The following GALNTL6 variants were observed in gnomAD, a reference collection of about 807,000 sequenced individuals.
GALNTL6 encodes polypeptide N-acetylgalactosaminyltransferase-like 6.
In GALNTL6, 46 loss-of-function variants were observed where a neutral mutation model predicts 73.7. The ratio of observed to expected loss-of-function variants is 0.62; its 90% confidence interval spans 0.49 to 0.80. The LOEUF is 0.80. Among genes scored for constraint, GALNTL6 ranks in the 30% least tolerant of loss-of-function variants. The pLI, the probability that GALNTL6 is intolerant of heterozygous loss-of-function variation, is 0.00. For synonymous variants in GALNTL6, 259 were observed against 263.7 expected (o/e 0.98, Z 0.17); for missense variants, 604 against 755.0 (o/e 0.80, Z 2.34).
intron 2 of GALNTL6, among the ~76,000 whole-genome samples, chr4:172,005,422 A>AAAAAG (rs1437583546): frequency 6.6e-6 from 1 of 152,124 alleles, no homozygotes; most frequent in East Asian, 1.9e-4. Flanking sequence ...CCACTGCCCC[A>AAAAAG]GGACTTAAAA....
At position 172,170,789 on chromosome 4, in the gene GALNTL6, C is replaced by T. The variant is rs558836692; in HGVS notation, c.139-58867C>T. ...TTGGTCTTCCAAATTGCTGGGATTA[C>T]AGGCATGAGACACCACGCCCTGCTG... On this transcript the variant is annotated intron_variant, in intron 2 of 12. Transcript: ENST00000506823. Among the ~76,000 whole-genome samples the T allele has an allele frequency of 1.5e-4, 23 of 152,234 alleles. No homozygotes were observed. In the South Asian group the frequency reaches 4.8e-3, roughly 32 times the overall value.
intron 5 of GALNTL6, among the ~76,000 whole-genome samples, chr4:172,544,007 A>G (rs778671856): frequency 6.6e-6 from 1 of 152,212 alleles, no homozygotes; most frequent in Non-Finnish European, 1.5e-5. Context: ...ATGCAAAAAT[A>G]GAGAAGTAAA....
At chr4:172,319,785 G>T (rs1296675410) in intron 4 of GALNTL6, among the ~76,000 whole-genome samples, 1 of 152,172 alleles carries the variant, frequency 6.6e-6, no homozygotes, top group Non-Finnish European at 1.5e-5. Context: ...GATCCCTGGT[G>T]AAGTTGGTGA....
At chr4:172,445,236 C>T (rs336014) in intron 5 of GALNTL6, among the ~76,000 whole-genome samples, 1 of 152,054 alleles carries the variant, frequency 6.6e-6, no homozygotes, top group East Asian at 1.9e-4. Context: ...TTTATGATAA[C>T]GCTATGTCAT....
intron 11 of GALNTL6, among the ~76,000 whole-genome samples, chr4:173,010,589 T>TTTTG (rs1752504001): frequency 6.6e-6 from 1 of 151,908 alleles, no homozygotes; most frequent in African/African-American, 2.4e-5. Flanking sequence ...TTTGTTGTTT[T>TTTTG]TTTTGTTTTG....
chr4:171,991,748 A>G (rs1007791943), intron 2 of GALNTL6, among the ~76,000 whole-genome samples: 3 of 146,880 alleles, frequency 2.0e-5, no homozygotes, highest in South Asian at 4.2e-4. Flanking sequence ...ATATATATAT[A>G]TATATATACA....
chr4:172,283,602 T>C (rs1401713639), intron 3 of GALNTL6, among the ~76,000 whole-genome samples: 2 of 152,104 alleles, frequency 1.3e-5, no homozygotes, highest in Non-Finnish European at 2.9e-5. Context: ...ATTTAATATT[T>C]CTTGAATTTT....
In GALNTL6 at chr4:172,689,124, C is replaced by T. The variant is rs530294573; in HGVS notation, c.554-120237C>T. Reference sequence around the variant, plus strand: ...TTGTGTTAGAAGTTATATATCCCCACCCCTGACACCTAGAACTCTTCATTC... The same window carrying T: ...TTGTGTTAGAAGTTATATATCCCCATCCCTGACACCTAGAACTCTTCATTC... On this transcript the variant is annotated intron_variant, in intron 5 of 12. Coordinates refer to ENST00000506823, the MANE Select transcript of GALNTL6 (RefSeq NM_001034845.3). Among the ~76,000 whole-genome samples, 13 of 152,232 alleles carry T rather than the reference C, an allele frequency of 8.5e-5. No homozygotes were observed. In the South Asian group the frequency reaches 2.7e-3, roughly 32 times the overall value.
chr4:172,376,683 G>A (rs536554281), intron 5 of GALNTL6, among the ~76,000 whole-genome samples: 327 of 152,216 alleles, frequency 2.1e-3, no homozygotes, highest in African/African-American at 6.3e-3. Flanking sequence ...ACCGCTTGGC[G>A]ATAGGTGATG....
intron 5 of GALNTL6, among the ~76,000 whole-genome samples, chr4:172,467,549 G>A (rs1437231435): frequency 1.3e-5 from 2 of 152,092 alleles, no homozygotes; most frequent in African/African-American, 2.4e-5. Context: ...ACAGGGAGAG[G>A]GGGAAAGAGA....
chr4:172,414,838 G>T (rs1744568776), intron 5 of GALNTL6, among the ~76,000 whole-genome samples: 1 of 152,108 alleles, frequency 6.6e-6, no homozygotes, highest in South Asian at 2.1e-4. Context: ...TGTTGTTGTT[G>T]TTGCTAAATT....
At chr4:172,560,915 A>G (rs184861787) in intron 5 of GALNTL6, among the ~76,000 whole-genome samples, 98 of 152,306 alleles carry the variant, frequency 6.4e-4, no homozygotes, top group African/African-American at 2.1e-3. Context: ...AGATACTATT[A>G]TTAACATAAT....
intron 5 of GALNTL6, among the ~76,000 whole-genome samples, chr4:172,426,678 G>A (rs1336184636): frequency 1.3e-5 from 2 of 152,122 alleles, no homozygotes; most frequent in Non-Finnish European, 2.9e-5. Flanking sequence ...GTACAGGAGG[G>A]AAGCATGGTT....
intron 5 of GALNTL6, among the ~76,000 whole-genome samples, chr4:172,646,921 T>C (rs1455106318): frequency 6.6e-6 from 1 of 152,106 alleles, no homozygotes. Context: ...CAATTATTCT[T>C]CATCAGCATT....
At chr4:172,889,180 A>C (rs1439896369) in intron 8 of GALNTL6, among the ~76,000 whole-genome samples, 2 of 152,178 alleles carry the variant, frequency 1.3e-5, no homozygotes, top group African/African-American at 4.8e-5. Context: ...GGGGTTTTCT[A>C]AGCATAGAAT....
At chr4:172,958,230 A>G (rs1561055751) in intron 10 of GALNTL6, among the ~76,000 whole-genome samples, 1 of 152,260 alleles carries the variant, frequency 6.6e-6, no homozygotes, top group Non-Finnish European at 1.5e-5. Context: ...GTATTAGGGC[A>G]GCATCAGCCG....
At chr4:171,973,955 C>G (rs1389313513) in intron 2 of GALNTL6, among the ~76,000 whole-genome samples, 1 of 151,970 alleles carries the variant, frequency 6.6e-6, no homozygotes, top group Non-Finnish European at 1.5e-5. Context: ...AAAAGGCATT[C>G]TTATAATCAG....
chr4:172,305,006 A>T lies in GALNTL6; in HGVS notation c.248-6608A>T, dbSNP rs80277532. ...GTTCATTCAATTCCACAAATATGTT[A>T]CCATATCACAATTGCTGGTTTATAA... On this transcript the variant is annotated intron_variant, in intron 3 of 12. Coordinates refer to ENST00000506823, the MANE Select transcript of GALNTL6 (RefSeq NM_001034845.3). Among the ~76,000 whole-genome samples, 1,098 of 152,266 alleles carry T rather than the reference A, an allele frequency of 7.2e-3. 12 individuals carry two copies. The highest frequency in any genetic ancestry group is 0.025 in the African/African-American group (1,045 of 41,544).
At chr4:172,306,370 C>G (rs923759755) in intron 3 of GALNTL6, among the ~76,000 whole-genome samples, 2 of 152,028 alleles carry the variant, frequency 1.3e-5, no homozygotes, top group East Asian at 1.9e-4. Context: ...GTCTGGGTGA[C>G]AGAGCAAGAT....
Sources: allele counts gnomAD v4.1 joint callset (sites outside exome capture counted in the v4.1 genomes callset), GRCh38; gene constraint gnomAD v4.1.1; transcripts MANE v1.5; gene names NCBI Gene and HGNC (gene_info 2026-07-23, HGNC 2026-07-21).